The following TTC21B variants were observed in gnomAD, a reference collection of about 807,000 sequenced individuals.
The protein encoded by TTC21B is tetratricopeptide repeat protein 21B.
In TTC21B, 127 loss-of-function variants were observed where a neutral mutation model predicts 175.1. That is an observed-to-expected ratio of 0.73 (90% CI 0.63 to 0.84). The LOEUF (loss-of-function observed/expected upper bound fraction) is 0.84, where lower values mean the gene tolerates loss of function less well. TTC21B is among the 40% of genes least tolerant of loss of function. TTC21B has a pLI of 0.00. For synonymous variants in TTC21B, 524 were observed against 524.5 expected, an observed-to-expected ratio of 1.00 and a Z score of 0.01; for missense variants, 1,561 against 1,558.3, an observed-to-expected ratio of 1.00 and a Z score of -0.03.
intron 27 of TTC21B, among the ~76,000 whole-genome samples, chr2:165,877,541 C>T (rs768724731): frequency 1.3e-5 from 2 of 152,168 alleles, no homozygotes; most frequent in Non-Finnish European, 2.9e-5. Flanking sequence ...GAGCAATAGG[C>T]TATACCAGAT....
intron 4 of TTC21B, among the ~76,000 whole-genome samples, chr2:165,943,818 T>C (rs1028923707): frequency 4.6e-5 from 7 of 152,150 alleles, no homozygotes; most frequent in East Asian, 1.9e-4. Flanking sequence ...GATTAGTCCA[T>C]TGAATTTCAA....
chr2:165,931,700 T>A, intron 8 of TTC21B, 58 bp downstream of exon 8: 1 of 1,426,690 alleles, frequency 7.0e-7, no homozygotes, highest in Non-Finnish European at 9.9e-7. Context: ...CCTTTTCCAC[T>A]TATTTTATGT....
intron 3 of TTC21B, chr2:165,947,431 T>C (rs925875320): frequency 6.6e-6 from 1 of 151,824 alleles, no homozygotes; most frequent in Non-Finnish European, 1.5e-5. Flanking sequence ...AACAAAACTG[T>C]TTCTGTAAGT....
chr2:165,917,308 A>G lies in TTC21B; in HGVS notation c.1848T>C (p.Arg616=). The change falls in exon 14 of 29, where the codon CGT becomes CGC. Residue 616 remains arginine, a synonymous_variant. Coordinates refer to ENST00000243344, the MANE Select transcript of TTC21B (RefSeq NM_024753.5). ...DRKTEVDTSH[R]LSIFLELIDV... ...CTATCAATTCAAGAAAGATCGATAAACGATGGCTTGTATCAACTTCAGTTT... is the reference window on the plus strand; with the variant it reads ...CTATCAATTCAAGAAAGATCGATAAGCGATGGCTTGTATCAACTTCAGTTT... The G allele has an allele frequency of 2.5e-6, 4 of 1,614,152 alleles. No individual in the cohort carries two copies. Among genetic ancestry groups the G allele is most frequent in the Non-Finnish European group, 2.5e-6 (3 of 1,180,004 alleles).
chr2:165,905,306 T>A (rs1421715906), intron 19 of TTC21B, among the ~76,000 whole-genome samples: 1 of 152,000 alleles, frequency 6.6e-6, no homozygotes, highest in East Asian at 1.9e-4. Flanking sequence ...AAAAAACAGA[T>A]TGTAAGATGG....
intron 20 of TTC21B, among the ~76,000 whole-genome samples, chr2:165,900,196 C>T (rs555569861): frequency 6.6e-6 from 1 of 152,204 alleles, no homozygotes; most frequent in African/African-American, 2.4e-5. Context: ...AGTCAGGTCC[C>T]TTCTACCTCC....
At chr2:165,919,220 A>G (rs1686295776) in intron 13 of TTC21B, 56 bp downstream of exon 13, 3 of 1,582,152 alleles carry the variant, frequency 1.9e-6, no homozygotes, top group African/African-American at 1.3e-5. Context: ...ATACTTGAAT[A>G]TGTAAGCTTT....
chr2:165,896,673 T>TGTGGGAGCAGCATATTCCGGGAA (rs1685375919), intron 22 of TTC21B, among the ~76,000 whole-genome samples: 1 of 152,158 alleles, frequency 6.6e-6, no homozygotes, highest in Non-Finnish European at 1.5e-5. Flanking sequence ...CAGATAGACC[T>TGTGGGAGCAGCATATTCCGGGAA]GTGGGAGCAG....
At chr2:165,891,133 T>C (rs1685177853) in intron 22 of TTC21B, 145 bp from the exon 23 acceptor site, 1 of 726,134 alleles carries the variant, frequency 1.4e-6, no homozygotes, top group Non-Finnish European at 2.2e-6. Flanking sequence ...TATAATTCCC[T>C]ATAGAGGCTG....
At position 165,874,697 on chromosome 2, in the gene TTC21B, A is replaced by T; in HGVS notation, c.*58T>A. ...CTCAAACCTGTTTTGAACAGGAAGAACTGAAAGTTAGATTTCTTTCATTTC... is the reference window on the plus strand; with the variant it reads ...CTCAAACCTGTTTTGAACAGGAAGATCTGAAAGTTAGATTTCTTTCATTTC... On this transcript the variant is annotated 3_prime_UTR_variant, in exon 29 of 29. Transcript: ENST00000243344. 6.7e-7 allele frequency: 1 copy of T among 1,496,150 alleles called. No homozygotes were observed. Among genetic ancestry groups the T allele is most frequent in the Non-Finnish European group, 9.3e-7 (1 of 1,073,262 alleles). 92.7% of individuals were successfully genotyped at this position (1,496,150 alleles called of 1,614,324 possible). A position where few individuals can be genotyped will look rare whatever the true frequency, so the allele number is the denominator to read the frequency against.
At chr2:165,920,801 C>CTATTT (rs1686370536) in intron 12 of TTC21B, among the ~76,000 whole-genome samples, 1 of 63,168 alleles carries the variant, frequency 1.6e-5, no homozygotes, top group Non-Finnish European at 4.2e-5. Context: ...TTGAAGGATA[C>CTATTT]TAAATATTTA....
intron 11 of TTC21B, among the ~76,000 whole-genome samples, chr2:165,926,069 G>A (rs1242289040): frequency 2.0e-5 from 3 of 152,010 alleles, no homozygotes; most frequent in East Asian, 1.9e-4. Flanking sequence ...TCTATAAAAC[G>A]GTCAAAGAAG....
chr2:165,926,026 G>A (rs940970351), intron 11 of TTC21B, among the ~76,000 whole-genome samples: 6 of 152,086 alleles, frequency 3.9e-5, no homozygotes, highest in African/African-American at 7.2e-5. Flanking sequence ...TTAAGATATC[G>A]TTTGTTCAAT....
rs971283288 is a variant in TTC21B, at chr2:165,929,220, G to A, written c.1301C>T (p.Pro434Leu). 3 of 1,612,968 alleles carry A rather than the reference G, an allele frequency of 1.9e-6. No individual in the cohort carries two copies. Among genetic ancestry groups the A allele is most frequent in the East Asian group, 2.2e-5 (1 of 44,750 alleles). ...DTHFSQLEGLPLGIQYFEKLN... is the reference protein window; with the variant it reads ...DTHFSQLEGLLLGIQYFEKLN... ...CTTTTCAAAATACTGTATGCCAAGA[G>A]GCAAACCTTCTAATTGTGAAAAGTG... Residue 434 changes from proline (P) to leucine (L), a missense_variant, in exon 11 of 29, where the codon CCT becomes CTT. Coordinates refer to ENST00000243344, the MANE Select transcript of TTC21B (RefSeq NM_024753.5).
At chr2:165,938,347 T>C (rs1292357900) in intron 6 of TTC21B, among the ~76,000 whole-genome samples, 2 of 152,034 alleles carry the variant, frequency 1.3e-5, no homozygotes, top group Non-Finnish European at 2.9e-5. Flanking sequence ...AAAGAAAGAA[T>C]GACAGAATTC....
chr2:165,931,554 G>A (rs1559067732), intron 8 of TTC21B, among the ~76,000 whole-genome samples: 1 of 152,092 alleles, frequency 6.6e-6, no homozygotes, highest in African/African-American at 2.4e-5. Flanking sequence ...ATCAGTAAGT[G>A]GCATTTCCTC....
rs775319794 is a variant in TTC21B, at chr2:165,943,336, G to A, written c.435C>T (p.His145=). 50 of 1,604,322 alleles carry A rather than the reference G, an allele frequency of 3.1e-5. 1 individual carries two copies. The South Asian group carries it at 4.1e-4, about 13-fold the overall frequency. ...IKISDGSKQG[H]VLKAWLDITR... is the part of the protein sequence containing the mutation. Reference sequence around the variant, plus strand: ...TAATATCAAGCCATGCTTTCAAAACGTGTCCCTGTAAAATGAATAATTCTA... The same window carrying A: ...TAATATCAAGCCATGCTTTCAAAACATGTCCCTGTAAAATGAATAATTCTA... The change falls in exon 5 of 29, where the codon CAC becomes CAT. Residue 145 remains histidine, a synonymous_variant. Transcript: ENST00000243344.
At chr2:165,898,358 G>C (rs1685442079) in intron 22 of TTC21B, among the ~76,000 whole-genome samples, 1 of 152,152 alleles carries the variant, frequency 6.6e-6, no homozygotes, top group Admixed American at 6.5e-5. Flanking sequence ...TAGGTGGCAA[G>C]GCTTTTAACT....
chr2:165,883,735 T>C lies in TTC21B; in HGVS notation c.3684+59A>G. 4 of 1,328,492 alleles carry C rather than the reference T, an allele frequency of 3.0e-6. No individual in the cohort carries two copies. The South Asian group carries it at 3.6e-5, about 12-fold the overall frequency. The allele number at this position is 1,328,492 out of a possible 1,614,324, so 82.3% of individuals were successfully genotyped here. A position where few individuals can be genotyped will look rare whatever the true frequency, so the allele number is the denominator to read the frequency against. ...AAATGGACTAACACTCAACAATATC[T>C]ATATGGAAAGCTTATGCAACAAAGG... On this transcript the variant is annotated intron_variant, in intron 26 of 28. Coordinates refer to ENST00000243344, the MANE Select transcript of TTC21B (RefSeq NM_024753.5).
Sources: gnomAD v4.1 joint callset for allele counts (sites outside exome capture counted in the v4.1 genomes callset) on GRCh38, gnomAD v4.1.1 for gene constraint, MANE v1.5 for transcripts, NCBI Gene and HGNC (gene_info 2026-07-23, HGNC 2026-07-21) for gene names.